PSMB7: variants seen among roughly 807,000 people sequenced by gnomAD.
PSMB7 encodes proteasome 20S subunit beta 7, also known as proteasome subunit beta type-7.
In PSMB7, 5 loss-of-function variants were observed where a neutral mutation model predicts 28.1. The ratio of observed to expected loss-of-function variants is 0.18; its 90% CI spans 0.09 to 0.37. The LOEUF (loss-of-function observed/expected upper bound fraction) is 0.37. Ranked by LOEUF, PSMB7 falls within the 10% of genes least tolerant of loss-of-function variation. The pLI, the probability that PSMB7 is intolerant of heterozygous loss-of-function variation, is 1.00. For missense variants in PSMB7, 275 were observed against 346.2 expected, an observed-to-expected ratio of 0.79 and a Z score of 1.63; for synonymous variants, 122 against 123.7, an observed-to-expected ratio of 0.99 and a Z score of 0.09.
At chr9:124,392,177 G>A (rs554170501) in intron 5 of PSMB7, among the ~76,000 whole-genome samples, 139 of 152,324 alleles carry the variant, frequency 9.1e-4, no homozygotes, top group African/African-American at 3.2e-3. Context: ...AATGAGAAGC[G>A]GAGCCAAGCT....
intron 6 of PSMB7, among the ~76,000 whole-genome samples, chr9:124,371,452 T>A (rs1830562328): frequency 6.6e-6 from 1 of 152,138 alleles, no homozygotes; most frequent in African/African-American, 2.4e-5. Context: ...TTTCCTCCTC[T>A]CCCCCTGAAA....
At position 124,389,535 on chromosome 9, in the gene PSMB7, C is replaced by T. The variant is rs7043285; in HGVS notation, c.512-4879G>A. On this transcript the variant is annotated intron_variant, in intron 5 of 7. Coordinates refer to ENST00000259457, the MANE Select transcript of PSMB7 (RefSeq NM_002799.4). ...CTGACCTCCTGCATCCACTGCCCTC[C>T]CCCAAGCCCACCTACACACCCTGTT... Among the ~76,000 whole-genome samples, 1,106 of 152,268 alleles carry T rather than the reference C, an allele frequency of 7.3e-3. 16 individuals are homozygous for T. The highest frequency in any genetic ancestry group is 0.026 in the African/African-American group (1,064 of 41,540).
intron 6 of PSMB7, among the ~76,000 whole-genome samples, chr9:124,381,426 T>C (rs1356902196): frequency 6.6e-6 from 1 of 152,236 alleles, no homozygotes; most frequent in Non-Finnish European, 1.5e-5. Context: ...CAATTCTCTG[T>C]GAGTGAGTGG....
At chr9:124,384,933 A>G (rs1830704262) in intron 5 of PSMB7, among the ~76,000 whole-genome samples, 1 of 152,258 alleles carries the variant, frequency 6.6e-6, no homozygotes, top group Admixed American at 6.5e-5. Flanking sequence ...ATGCTGAAGC[A>G]TGAAAATGAG....
At chr9:124,403,292 G>A (rs1485849461) in intron 5 of PSMB7, among the ~76,000 whole-genome samples, 1 of 151,548 alleles carries the variant, frequency 6.6e-6, no homozygotes, top group Non-Finnish European at 1.5e-5. Flanking sequence ...TGGGAGGCTG[G>A]AGCAGGCAGA....
intron 6 of PSMB7, among the ~76,000 whole-genome samples, chr9:124,373,094 A>G (rs1224446362): frequency 6.6e-6 from 1 of 152,204 alleles, no homozygotes; most frequent in African/African-American, 2.4e-5. Flanking sequence ...AAGGGGGACA[A>G]CTCAAAATAT....
intron 1 of PSMB7, 178 bp downstream of exon 1, chr9:124,415,186 C>T (rs925106308): frequency 1.4e-6 from 1 of 704,096 alleles, no homozygotes; most frequent in Non-Finnish European, 2.3e-6. Context: ...GGAGAGCAGA[C>T]CCGGCTTCAG....
intron 6 of PSMB7, among the ~76,000 whole-genome samples, chr9:124,373,981 A>T (rs1243709208): frequency 6.6e-6 from 1 of 152,244 alleles, no homozygotes; most frequent in Non-Finnish European, 1.5e-5. Context: ...ATATAGTCAA[A>T]TAGTGAAAAC....
rs1830408553 is a variant in PSMB7, at chr9:124,356,476, A to C, written c.722+288T>G. ...GGGGATTCTTTAAGACACTTGAGAA[A>C]GGACAGCAGATGATCCAAACCTCTC... On this transcript the variant is annotated intron_variant, in intron 7 of 7. Coordinates refer to ENST00000259457, the MANE Select transcript of PSMB7 (RefSeq NM_002799.4). This position sits in a 1 kb window ranked among gnomAD's most constrained non-coding sequence, Gnocchi z 4.4. 6.6e-6 allele frequency among the ~76,000 whole-genome samples: 1 copy of C among 152,220 alleles called. No homozygotes were observed. The highest frequency in any genetic ancestry group is 2.4e-5 in the African/African-American group (1 of 41,456).
At chr9:124,412,576 T>C in intron 3 of PSMB7, 84 bp from the exon 4 acceptor site, 10 of 1,428,558 alleles carry the variant, frequency 7.0e-6, no homozygotes, top group East Asian at 4.6e-5. Context: ...ATAACTTCCA[T>C]GAAGTTCAGG....
At chr9:124,379,393 G>A (rs747027507) in intron 6 of PSMB7, among the ~76,000 whole-genome samples, 1 of 152,190 alleles carries the variant, frequency 6.6e-6, no homozygotes, top group East Asian at 1.9e-4. Flanking sequence ...GAAACGACCA[G>A]GTGTACGCAC....
intron 4 of PSMB7, among the ~76,000 whole-genome samples, chr9:124,408,586 T>C (rs1172144060): frequency 6.6e-6 from 1 of 152,160 alleles, no homozygotes; most frequent in Non-Finnish European, 1.5e-5. Flanking sequence ...TTTTCCCCCA[T>C]AAGAGTACAC....
chr9:124,363,751 C>T (rs964823116), intron 6 of PSMB7, among the ~76,000 whole-genome samples: 6 of 152,024 alleles, frequency 3.9e-5, no homozygotes. Context: ...AAAGGAAAAA[C>T]TTGCTGTGCG....
chr9:124,387,767 T>C (rs1007973356), intron 5 of PSMB7, among the ~76,000 whole-genome samples: 10 of 152,276 alleles, frequency 6.6e-5, no homozygotes, highest in African/African-American at 2.2e-4. Flanking sequence ...TCTGAATGTG[T>C]GTCTGCCATT....
intron 6 of PSMB7, among the ~76,000 whole-genome samples, chr9:124,359,112 A>C (rs185324852): frequency 1.3e-5 from 2 of 152,384 alleles, no homozygotes; most frequent in East Asian, 3.9e-4. Context: ...AAAATTATAT[A>C]GTTTGATTTA....
At chr9:124,407,316 A>C (rs1830976198) in intron 4 of PSMB7, among the ~76,000 whole-genome samples, 1 of 152,222 alleles carries the variant, frequency 6.6e-6, no homozygotes, top group African/African-American at 2.4e-5. Flanking sequence ...TTGTTATTTC[A>C]TTTGTAAGTA....
chr9:124,358,676 C>A (rs1358660382), intron 6 of PSMB7, among the ~76,000 whole-genome samples: 1 of 152,196 alleles, frequency 6.6e-6, no homozygotes, highest in African/African-American at 2.4e-5. Flanking sequence ...CTTTAAATGG[C>A]CTTCGGTGTG....
intron 6 of PSMB7, among the ~76,000 whole-genome samples, chr9:124,361,340 T>G (rs1436555732): frequency 6.6e-6 from 1 of 152,182 alleles, no homozygotes; most frequent in Non-Finnish European, 1.5e-5. Context: ...TACCGCTACA[T>G]GACAAATGGG....
In PSMB7 at chr9:124,356,125, A is replaced by G. The variant is rs527475508; in HGVS notation, c.722+639T>C. 5.5e-4 allele frequency among the ~76,000 whole-genome samples: 84 copies of G among 152,284 alleles called. No homozygotes were observed. Among genetic ancestry groups the G allele is most frequent in the Non-Finnish European group, 9.1e-4 (62 of 68,016 alleles). Reference sequence around the variant, plus strand: ...CACAGGATGGTCAAGCAGCCGGACAATCACGAGACACTGCAAACGAGCTGC... The same window carrying G: ...CACAGGATGGTCAAGCAGCCGGACAGTCACGAGACACTGCAAACGAGCTGC... On this transcript the variant is annotated intron_variant, in intron 7 of 7. Coordinates refer to ENST00000259457, the MANE Select transcript of PSMB7 (RefSeq NM_002799.4). The surrounding 1 kb of genome is among the most constrained non-coding windows in gnomAD (Gnocchi z 4.4).
Sources: gnomAD v4.1 joint callset for allele counts (sites outside exome capture counted in the v4.1 genomes callset) on GRCh38, gnomAD v4.1.1 for gene constraint, Gnocchi (gnomAD v3.1) non-coding constraint, MANE v1.5 for transcripts, NCBI Gene and HGNC (gene_info 2026-07-23, HGNC 2026-07-21) for gene names.